NR2C2: variants seen among roughly 807,000 people sequenced by gnomAD.
NR2C2 encodes nuclear receptor subfamily 2 group C member 2.
A neutral mutation model predicts 62.9 loss-of-function variants in NR2C2; 6 were observed. The ratio of observed to expected loss-of-function variants is 0.10; its 90% confidence interval spans 0.05 to 0.19. The LOEUF is 0.19. NR2C2 is among the 10% of genes least tolerant of loss of function. The probability of loss-of-function intolerance (pLI) is 1.00; values close to 1 mark genes in which losing one functional copy is unlikely to be tolerated. For missense variants in NR2C2, 479 were observed against 762.7 expected (o/e 0.63, Z 4.38); for synonymous variants, 272 against 273.8 (o/e 0.99, Z 0.07).
intron 1 of NR2C2, chr3:14,948,342 C>T (rs2039207075): frequency 6.6e-6 from 1 of 152,246 alleles, no homozygotes; most frequent in African/African-American, 2.4e-5. Flanking sequence ...TGGCGGCCGT[C>T]GCAGCCCAAC....
chr3:14,951,756 T>G (rs77697444), intron 1 of NR2C2, among the ~76,000 whole-genome samples: 3 of 151,942 alleles, frequency 2.0e-5, no homozygotes, highest in Admixed American at 1.3e-4. Flanking sequence ...TTTTGTGTGT[T>G]TTTTTTTGTT....
Position 15,034,790 on chromosome 3 carries a change from G to A in NR2C2, c.1353G>A (p.Leu451=), listed in dbSNP as rs1250817407. The change falls in exon 11 of 14, where the codon CTG becomes CTA. Residue 451 remains leucine (L), a synonymous_variant. Coordinates refer to ENST00000425241, the MANE Select transcript of NR2C2 (RefSeq NM_001291694.2). ...STILAAIVNH[L]QNSIQEDKLS... ...TCCTGGCTGCCATTGTCAACCACCT[G>A]CAGAACAGCATCCAGGAAGGTAGGG... is the stretch of plus-strand genomic sequence containing the variant. 1 of 1,613,350 alleles carries A rather than the reference G, an allele frequency of 6.2e-7. No homozygotes were observed. Among genetic ancestry groups the A allele is most frequent in the Non-Finnish European group, 8.5e-7 (1 of 1,179,666 alleles).
chr3:14,982,848 A>G (rs1303193234), intron 1 of NR2C2, among the ~76,000 whole-genome samples: 1 of 152,230 alleles, frequency 6.6e-6, no homozygotes, highest in African/African-American at 2.4e-5. Flanking sequence ...CCTCATCTTA[A>G]AAGGAATGAT....
intron 9 of NR2C2, among the ~76,000 whole-genome samples, chr3:15,031,083 C>G (rs144603801): frequency 6.7e-4 from 102 of 152,292 alleles, no homozygotes; most frequent in African/African-American, 2.3e-3. Flanking sequence ...CTCTCTGTGA[C>G]TGCCTGGCTG....
intron 2 of NR2C2, 120 bp from the exon 3 acceptor site, chr3:15,013,469 G>A: frequency 1.3e-6 from 1 of 775,172 alleles, no homozygotes; most frequent in Non-Finnish European, 2.2e-6. Context: ...TGGTGAAAAT[G>A]CATGTTAGAC....
At chr3:14,957,782 A>G (rs773172829) in intron 1 of NR2C2, among the ~76,000 whole-genome samples, 4 of 151,872 alleles carry the variant, frequency 2.6e-5, no homozygotes, top group African/African-American at 4.8e-5. Context: ...TGTCTTTTCT[A>G]TCATTTCCAC....
chr3:14,966,213 C>A (rs1165460277), intron 1 of NR2C2, among the ~76,000 whole-genome samples: 1 of 152,140 alleles, frequency 6.6e-6, no homozygotes, highest in Non-Finnish European at 1.5e-5. Flanking sequence ...AAGGAGCATA[C>A]CAGTTTCCTT....
At position 15,048,858 on chromosome 3, in the gene NR2C2, T is replaced by A. The variant is rs1293312974; in HGVS notation, c.*5850T>A. 5 of 152,688 alleles carry A rather than the reference T, an allele frequency of 3.3e-5. No individual in the cohort carries two copies. Among genetic ancestry groups the A allele is most frequent in the Non-Finnish European group, 7.3e-5 (5 of 68,044 alleles). 9.5% of individuals were successfully genotyped at this position (152,688 alleles called of 1,614,324 possible). On this transcript the variant is annotated 3_prime_UTR_variant, in exon 14 of 14. Coordinates refer to ENST00000425241, the MANE Select transcript of NR2C2 (RefSeq NM_001291694.2). ...AATGTAACTGCATTACCAGCCCTTT[T>A]AAAGGCATCTATCTATCAAAGGAAA...
At chr3:15,023,095 C>T in intron 5 of NR2C2, 105 bp from the exon 6 acceptor site, 1 of 1,274,414 alleles carries the variant, frequency 7.8e-7, no homozygotes, top group Non-Finnish European at 1.1e-6. Flanking sequence ...ATGAACCTAG[C>T]ACCAGAGTCA....
chr3:14,951,884 A>G (rs1456772807), intron 1 of NR2C2, among the ~76,000 whole-genome samples: 1 of 152,020 alleles, frequency 6.6e-6, no homozygotes, highest in African/African-American at 2.4e-5. Context: ...AGTGGCTGGG[A>G]CTACAGGTGC....
Position 15,039,107 on chromosome 3 carries a change from C to A in NR2C2, c.1511-15C>A, listed in dbSNP as rs778915436. 6.3e-7 allele frequency: 1 copy of A among 1,587,674 alleles called. No individual in the cohort carries two copies. Among genetic ancestry groups the A allele is most frequent in the Non-Finnish European group, 8.6e-7 (1 of 1,158,636 alleles). On this transcript the variant is annotated splice_polypyrimidine_tract_variant and intron_variant, in intron 12 of 13. Coordinates refer to ENST00000425241, the MANE Select transcript of NR2C2 (RefSeq NM_001291694.2). Reference sequence around the variant, plus strand: ...ATACAGAGGGAACTGGGGGGGGGTACTTTTCTGTTTTCAGATCATCCAGGT... The same window carrying A: ...ATACAGAGGGAACTGGGGGGGGGTAATTTTCTGTTTTCAGATCATCCAGGT...
intron 3 of NR2C2, among the ~76,000 whole-genome samples, chr3:15,014,434 C>T (rs780952050): frequency 1.3e-5 from 2 of 151,298 alleles, no homozygotes; most frequent in Non-Finnish European, 2.9e-5. Context: ...CCCATGATGG[C>T]TGAGCATGGA....
rs2039170110 is a variant in NR2C2 at position 14,947,900 on chromosome 3, T to C, written c.-46T>C. 6.8e-6 allele frequency: 1 copy of C among 147,130 alleles called. No homozygotes were observed. The highest frequency in any genetic ancestry group is 2.5e-5 in the African/African-American group (1 of 39,870). 9.1% of individuals were successfully genotyped at this position (147,130 alleles called of 1,614,324 possible). Reference sequence around the variant, plus strand: ...GCTTCGAGGCCGCTTTGGCGCCAAATCCTGAGGTAAAATTGAAAGAGGGTC... The same window carrying C: ...GCTTCGAGGCCGCTTTGGCGCCAAACCCTGAGGTAAAATTGAAAGAGGGTC... On this transcript the variant is annotated 5_prime_UTR_variant, in exon 1 of 14. Coordinates refer to ENST00000425241, the MANE Select transcript of NR2C2 (RefSeq NM_001291694.2).
At chr3:15,040,720 A>T (rs1045891069) in intron 13 of NR2C2, among the ~76,000 whole-genome samples, 1 of 152,234 alleles carries the variant, frequency 6.6e-6, no homozygotes, top group Non-Finnish European at 1.5e-5. Context: ...CAAAAGCAAG[A>T]TCCATTTTCT....
chr3:14,963,816 A>C (rs575851489), intron 1 of NR2C2, among the ~76,000 whole-genome samples: 2 of 152,198 alleles, frequency 1.3e-5, no homozygotes, highest in Non-Finnish European at 2.9e-5. Context: ...AACAAAAACT[A>C]AGTATACATA....
chr3:14,961,739 C>T (rs918062638), intron 1 of NR2C2, among the ~76,000 whole-genome samples: 7 of 152,140 alleles, frequency 4.6e-5, no homozygotes, highest in Admixed American at 1.3e-4. Flanking sequence ...TCAATTTTTA[C>T]GAATAATGAC....
At chr3:14,948,673 T>C in intron 1 of NR2C2, 1 of 152,946 alleles carries the variant, frequency 6.5e-6, no homozygotes, top group South Asian at 1.8e-4. Context: ...GGTGGGCTGC[T>C]TCCCTCCGCC....
chr3:14,958,656 TCAAAA>T (rs1382839984), intron 1 of NR2C2, among the ~76,000 whole-genome samples: 1 of 152,250 alleles, frequency 6.6e-6, no homozygotes, highest in Non-Finnish European at 1.5e-5. Flanking sequence ...CTTTGTAGTA[TCAAAA>T]CAATAGGATT....
chr3:15,017,792 A>C (rs182065186), intron 4 of NR2C2, among the ~76,000 whole-genome samples: 23 of 152,362 alleles, frequency 1.5e-4, no homozygotes, highest in African/African-American at 5.3e-4. Flanking sequence ...ATGGTTTTGC[A>C]TACTAGAGCT....
Sources: allele counts gnomAD v4.1 joint callset (sites outside exome capture counted in the v4.1 genomes callset), GRCh38; gene constraint gnomAD v4.1.1; transcripts MANE v1.5; gene names NCBI Gene and HGNC (gene_info 2026-07-23, HGNC 2026-07-21).